Variants in ZNF613 observed in about 807,000 individuals in gnomAD.
ZNF613 encodes zinc finger protein 613.
ZNF613 carries 8 observed loss-of-function variants against 14.3 expected under a neutral mutation model. The ratio of observed to expected loss-of-function variants is 0.56; its 90% CI spans 0.33 to 1.01. The LOEUF is 1.01. ZNF613 is among the 50% of genes least tolerant of loss of function. The pLI, the probability that ZNF613 is intolerant of heterozygous loss-of-function variation, is 0.03. For synonymous variants in ZNF613, 228 were observed against 254.5 expected (o/e 0.90, Z 0.99); for missense variants, 656 against 741.9 (o/e 0.88, Z 1.35).
intron 2 of ZNF613, among the ~76,000 whole-genome samples, chr19:51,934,114 T>C (rs1302226000): frequency 2.0e-5 from 3 of 152,246 alleles, no homozygotes; most frequent in Admixed American, 6.5e-5. Flanking sequence ...GTCACCTTTT[T>C]TTTGACTCAA....
In ZNF613 at chr19:51,945,543, C is replaced by T. The variant is rs1167347224; in HGVS notation, c.1660C>T (p.His554Tyr). 2 of 1,614,124 alleles carry T rather than the reference C, an allele frequency of 1.2e-6. No individual in the cohort carries two copies. The highest frequency in any genetic ancestry group is 1.7e-6 in the Non-Finnish European group (2 of 1,180,024). Reference sequence around the variant, plus strand: ...ATTGGAAAATCCTTGCTCAGAGAGTCATAGCTTATCACATACACGTGATCT... The same window carrying T: ...ATTGGAAAATCCTTGCTCAGAGAGTTATAGCTTATCACATACACGTGATCT... ...VKLENPCSES[H>Y]SLSHTRDLIQ... Residue 554 changes from histidine to tyrosine, a missense_variant, in exon 6 of 6, where the codon CAT becomes TAT. Coordinates refer to ENST00000293471, the MANE Select transcript of ZNF613 (RefSeq NM_001031721.4).
At chr19:51,932,041 G>A (rs1018289430) in intron 2 of ZNF613, among the ~76,000 whole-genome samples, 1 of 152,072 alleles carries the variant, frequency 6.6e-6, no homozygotes, top group South Asian at 2.1e-4. Context: ...GGTGATTGTC[G>A]AGTAATTGTC....
intron 5 of ZNF613, 31 bp from the exon 6 acceptor site, chr19:51,944,088 T>G: frequency 6.7e-7 from 1 of 1,502,936 alleles, no homozygotes; most frequent in Non-Finnish European, 8.9e-7. Flanking sequence ...TCCATGCTCA[T>G]GGAAAGATTT....
At position 51,945,642 on chromosome 19, in the gene ZNF613, AAC is replaced by A. The variant is rs761351598; in HGVS notation, c.1761_1762del (p.Asn587LysfsTer25). 13 of 1,614,068 alleles carry A rather than the reference AAC, an allele frequency of 8.1e-6. No individual in the cohort carries two copies. Among genetic ancestry groups the A allele is most frequent in the Non-Finnish European group, 1.7e-6 (2 of 1,180,018 alleles). ...PSVAAQTSLT[N>X]SAFQAESKVA... The stretch of plus-strand genomic sequence containing the variant: ...TGTGGCAGCTCAGACCTCATTAACT[AAC>A]AGTGCGTTCCAAGCAGAGAGCAAAG... On this transcript the variant is annotated frameshift_variant, in exon 6 of 6. Coordinates refer to ENST00000293471, the MANE Select transcript of ZNF613 (RefSeq NM_001031721.4). LOFTEE classifies it low-confidence loss of function (END_TRUNC).
intron 2 of ZNF613, among the ~76,000 whole-genome samples, chr19:51,932,752 T>C (rs1440548076): frequency 1.3e-5 from 2 of 151,902 alleles, no homozygotes; most frequent in Admixed American, 1.3e-4. Flanking sequence ...CTTGGCTCAC[T>C]GCAAACTCTG....
At chr19:51,936,800 G>A (rs1029912412) in intron 3 of ZNF613, among the ~76,000 whole-genome samples, 1 of 152,188 alleles carries the variant, frequency 6.6e-6, no homozygotes, top group Admixed American at 6.5e-5. Flanking sequence ...TTTTTGTAGT[G>A]AAACTACTCT....
Position 51,937,495 on chromosome 19 carries a change from G to A in ZNF613, c.15+1260G>A, listed in dbSNP as rs192206372. Among the ~76,000 whole-genome samples the A allele has an allele frequency of 4.1e-4, 62 of 152,230 alleles. No individual in the cohort carries two copies. In the East Asian group the frequency reaches 0.012, roughly 28 times the overall value. On this transcript the variant is annotated intron_variant, in intron 3 of 5. Coordinates refer to ENST00000293471, the MANE Select transcript of ZNF613 (RefSeq NM_001031721.4). ...GAATTCACACAAAATGACTAATGTTGGAACCTAATGTGTGACCGGAGCATC... is the reference window on the plus strand; with the variant it reads ...GAATTCACACAAAATGACTAATGTTAGAACCTAATGTGTGACCGGAGCATC...
rs1262102174 is a variant in ZNF613 at position 51,945,111 on chromosome 19, A to T, written c.1228A>T (p.Ile410Phe). The T allele has an allele frequency of 1.9e-6, 3 of 1,614,210 alleles. No homozygotes were observed. Among genetic ancestry groups the T allele is most frequent in the East Asian group, 2.2e-5 (1 of 44,880 alleles). Residue 410 changes from isoleucine (I) to phenylalanine (F), a missense_variant, in exon 6 of 6, where the codon ATC becomes TTC. Physicochemically the swap from Ile to Phe is conservative, Grantham distance 21. Transcript: ENST00000293471. ...ATGCAATGAATGTGGAAAAGGCTTCATCCAAAAGGGCAACCTCCTTATTCA... is the reference window on the plus strand; with the variant it reads ...ATGCAATGAATGTGGAAAAGGCTTCTTCCAAAAGGGCAACCTCCTTATTCA... ...YICNECGKGF[I>F]QKGNLLIHRR...
At chr19:51,937,811 C>T (rs888679024) in intron 3 of ZNF613, among the ~76,000 whole-genome samples, 1 of 148,148 alleles carries the variant, frequency 6.8e-6, no homozygotes, top group Non-Finnish European at 1.5e-5. Context: ...CCTACCACAA[C>T]CTCTGCCTCC....
chr19:51,945,491 AAG>A lies in ZNF613; in HGVS notation c.1614_1615del (p.Lys539MetfsTer16), dbSNP rs2085392617. The A allele has an allele frequency of 2.5e-6, 4 of 1,614,200 alleles. No homozygotes were observed. Among genetic ancestry groups the A allele is most frequent in the Non-Finnish European group, 3.4e-6 (4 of 1,180,028 alleles). On this transcript the variant is annotated frameshift_variant, in exon 6 of 6. Coordinates refer to ENST00000293471, the MANE Select transcript of ZNF613 (RefSeq NM_001031721.4). LOFTEE classifies it low-confidence loss of function (END_TRUNC). The part of the protein sequence containing the change: ...LVYHKGMLHA[R>X]EKCVGSVKLE... ...TTTATCATAAGGGAATGCTGCATGC[AAG>A]AGAGAAATGTGTAGGTTCAGTCAAA... is the stretch of plus-strand genomic sequence containing the variant.
chr19:51,936,287 A>G (rs1413579162), intron 3 of ZNF613, 52 bp downstream of exon 3: 9 of 1,556,128 alleles, frequency 5.8e-6, no homozygotes, highest in Non-Finnish European at 7.0e-6. Context: ...TGATTTCTGG[A>G]AGACTTTAAA....
chr19:51,930,814 T>C (rs542478073), intron 2 of ZNF613, among the ~76,000 whole-genome samples: 1 of 152,350 alleles, frequency 6.6e-6, no homozygotes, highest in South Asian at 2.1e-4. Flanking sequence ...TTGGGTTATA[T>C]GGTATGTTTA....
At chr19:51,944,047 C>A in intron 5 of ZNF613, 72 bp from the exon 6 acceptor site, 1 of 1,307,422 alleles carries the variant, frequency 7.6e-7, no homozygotes, top group Non-Finnish European at 1.0e-6. Context: ...TAGAGCCAGC[C>A]TGTACAAGAC....
chr19:51,945,890 G>A lies in ZNF613; in HGVS notation c.*153G>A. ...ATAAGCATATACTCAGAGAAAAATA[G>A]TATGAAGTGGAGACTGGGAAATTCT... On this transcript the variant is annotated 3_prime_UTR_variant, in exon 6 of 6. Coordinates refer to ENST00000293471, the MANE Select transcript of ZNF613 (RefSeq NM_001031721.4). 2.6e-6 allele frequency: 2 copies of A among 773,080 alleles called. No individual in the cohort carries two copies. The highest frequency in any genetic ancestry group is 4.1e-6 in the Non-Finnish European group (2 of 491,552). 47.9% of individuals were successfully genotyped at this position (773,080 alleles called of 1,614,324 possible). A position where few individuals can be genotyped will look rare whatever the true frequency, so the allele number is the denominator to read the frequency against.
In ZNF613 at chr19:51,945,561, C is replaced by T. The variant is rs200790574; in HGVS notation, c.1678C>T (p.Arg560Cys). The T allele has an allele frequency of 2.5e-5, 40 of 1,614,108 alleles. No individual in the cohort carries two copies. Among genetic ancestry groups the T allele is most frequent in the African/African-American group, 9.3e-5 (7 of 75,028 alleles). Residue 560 changes from arginine (R) to cysteine (C), a missense_variant, in exon 6 of 6, where the codon CGT becomes TGT. Arg to Cys is a radical substitution (Grantham distance 180). Coordinates refer to ENST00000293471, the MANE Select transcript of ZNF613 (RefSeq NM_001031721.4). ...AGAGAGTCATAGCTTATCACATACA[C>T]GTGATCTCATACAGGATAAAGACTC... ...CSESHSLSHT[R>C]DLIQDKDSVN...
In ZNF613 at chr19:51,929,877, G is replaced by GT. The variant is rs1178803043; in HGVS notation, c.-207dup. 6.6e-6 allele frequency: 1 copy of GT among 152,000 alleles called. No homozygotes were observed. The highest frequency in any genetic ancestry group is 1.5e-5 in the Non-Finnish European group (1 of 67,982). 9.4% of individuals were successfully genotyped at this position (152,000 alleles called of 1,614,324 possible). A position where few individuals can be genotyped will look rare whatever the true frequency, so the allele number is the denominator to read the frequency against. On this transcript the variant is annotated 5_prime_UTR_variant, in exon 2 of 6. Transcript: ENST00000293471. ...TATCCATCTTGTAAAATATTGCTTT[G>GT]TTTTTTGGTGCATTTCAAAGTAAGT...
chr19:51,944,573 A>T lies in ZNF613; in HGVS notation c.690A>T (p.Lys230Asn). The change falls in exon 6 of 6, where the codon AAA (lysine) becomes AAT (asparagine). Residue 230 changes from lysine (K) to asparagine (N), a missense_variant. Transcript: ENST00000293471. ...ATCAGAGAGTTCACACTGGGGAGAA[A>T]CCTCATGGATGCAGTATATGTGGGA... is the stretch of plus-strand genomic sequence containing the variant. ...IYHQRVHTGE[K>N]PHGCSICGKA... 1 of 1,614,202 alleles carries T rather than the reference A, an allele frequency of 6.2e-7. No homozygotes were observed. The highest frequency in any genetic ancestry group is 2.2e-5 in the East Asian group (1 of 44,890).
chr19:51,938,756 A>ATATATATATATATATATATATAT (rs1555756107), intron 3 of ZNF613, among the ~76,000 whole-genome samples: 1 of 146,744 alleles, frequency 6.8e-6, no homozygotes, highest in African/African-American at 2.5e-5. Context: ...ATATATGTGC[A>ATATATATATATATATATATATAT]ATATGCTGTA....
Position 51,945,657 on chromosome 19 carries a change from G to C in ZNF613, c.1774G>C (p.Ala592Pro). The change falls in exon 6 of 6, where the codon GCA becomes CCA. Residue 592 changes from alanine (A) to proline (P), a missense_variant. Coordinates refer to ENST00000293471, the MANE Select transcript of ZNF613 (RefSeq NM_001031721.4). Reference sequence around the variant, plus strand: ...CTCATTAACTAACAGTGCGTTCCAAGCAGAGAGCAAAGTAGCCATTGTGAG... The same window carrying C: ...CTCATTAACTAACAGTGCGTTCCAACCAGAGAGCAAAGTAGCCATTGTGAG... ...QTSLTNSAFQ[A>P]ESKVAIVSQP... 6.2e-7 allele frequency: 1 copy of C among 1,614,160 alleles called. No individual in the cohort carries two copies. Among genetic ancestry groups the C allele is most frequent in the South Asian group, 1.1e-5 (1 of 91,078 alleles).
Sources: gnomAD v4.1 joint callset for allele counts (sites outside exome capture counted in the v4.1 genomes callset) on GRCh38, gnomAD v4.1.1 for gene constraint, MANE v1.5 for transcripts, NCBI Gene and HGNC (gene_info 2026-07-23, HGNC 2026-07-21) for gene names.